CFAP46: variants seen among roughly 807,000 people sequenced by gnomAD.
The protein encoded by CFAP46 is cilia and flagella associated protein 46, also known as cilia- and flagella-associated protein 46.
CFAP46 carries 245 observed loss-of-function variants against 325.7 expected under a neutral mutation model. The ratio of observed to expected loss-of-function variants is 0.75; its 90% CI spans 0.68 to 0.84. The LOEUF (loss-of-function observed/expected upper bound fraction) is 0.84. Ranked by LOEUF, CFAP46 falls within the 40% of genes least tolerant of loss-of-function variation. The pLI is 0.00. For missense variants in CFAP46, 3,346 were observed against 3,543.0 expected (o/e 0.94, Z 1.41); for synonymous variants, 1,523 against 1,495.9 (o/e 1.02, Z -0.42).
intron 24 of CFAP46, among the ~76,000 whole-genome samples, chr10:132,893,214 G>A (rs897420076): frequency 2.0e-5 from 3 of 152,204 alleles, no homozygotes; most frequent in Non-Finnish European, 2.9e-5. Flanking sequence ...CTGGGCATGC[G>A]GCCCCTCCCA....
chr10:132,924,955 C>A, intron 10 of CFAP46, 69 bp from the exon 11 acceptor site: 3 of 1,271,326 alleles, frequency 2.4e-6, no homozygotes, highest in Non-Finnish European at 3.1e-6. Context: ...GCGGCACCTG[C>A]GTGCAGGGCA....
rs201792620 is a variant in CFAP46 at position 132,880,932 on chromosome 10, C to T, written c.3728G>A (p.Arg1243His). The T allele has an allele frequency of 4.2e-4, 652 of 1,550,362 alleles. No individual in the cohort carries two copies. Among genetic ancestry groups the T allele is most frequent in the Non-Finnish European group, 5.1e-4 (589 of 1,146,896 alleles). ...GGCCAGCAGGATCTCGACAGCCCAG[C>T]GGAGGTGGAAGACCACGTCCTCGAG... ...FPLEDVVFHL[R>H]WAVEILLAMK... The change falls in exon 28 of 58, where the codon CGC (arginine) becomes CAC (histidine). Residue 1243 changes from arginine to histidine, a missense_variant. Arg to His is a conservative substitution (Grantham distance 29). Coordinates refer to ENST00000368586, the MANE Select transcript of CFAP46 (RefSeq NM_001200049.3).
intron 50 of CFAP46, among the ~76,000 whole-genome samples, chr10:132,821,310 T>G (rs1847815579): frequency 1.5e-5 from 2 of 129,136 alleles, no homozygotes. Flanking sequence ...TGCTGTGTGT[T>G]GTGTGTGCTG....
intron 50 of CFAP46, among the ~76,000 whole-genome samples, chr10:132,826,783 T>C (rs907347605): frequency 6.6e-6 from 1 of 151,894 alleles, no homozygotes; most frequent in Non-Finnish European, 1.5e-5. Flanking sequence ...GGATGCAGCA[T>C]GTGCCCTCAG....
At chr10:132,934,061 G>A (rs1295161724) in intron 8 of CFAP46, among the ~76,000 whole-genome samples, 1 of 152,218 alleles carries the variant, frequency 6.6e-6, no homozygotes. Flanking sequence ...AAGCTCCTAA[G>A]TTTGTGGGTA....
At chr10:132,848,275 G>A (rs1475123356) in intron 41 of CFAP46, among the ~76,000 whole-genome samples, 1 of 152,170 alleles carries the variant, frequency 6.6e-6, no homozygotes. Context: ...TTTATAAAAC[G>A]GACTTAGAGA....
intron 9 of CFAP46, among the ~76,000 whole-genome samples, chr10:132,927,166 C>T (rs115634014): frequency 0.041 from 6,265 of 152,254 alleles, 412 homozygotes; most frequent in African/African-American, 0.14. Flanking sequence ...CCACCCCGCT[C>T]GAGGGGTGAC....
In CFAP46 at chr10:132,869,391, A is replaced by C. The variant is rs1848865289; in HGVS notation, c.4512-19T>G. On this transcript the variant is annotated intron_variant, in intron 32 of 57. Coordinates refer to ENST00000368586, the MANE Select transcript of CFAP46 (RefSeq NM_001200049.3). This position sits in a 1 kb window ranked among gnomAD's most constrained non-coding sequence, Gnocchi z 6.2. ...GGCGAGGCTGTGGGGAGTGTGGCCG[A>C]AAGAGTCAGTGTTGCACGGGCGCAG... The C allele has an allele frequency of 6.6e-7, 1 of 1,513,002 alleles. No individual in the cohort carries two copies. The allele number at this position is 1,513,002 out of a possible 1,614,324, so 93.7% of individuals were successfully genotyped here. A position where few individuals can be genotyped will look rare whatever the true frequency, so the allele number is the denominator to read the frequency against.
chr10:132,846,253 CA>C (rs1441980720), intron 43 of CFAP46, 26 bp from the exon 44 acceptor site: 4 of 1,606,482 alleles, frequency 2.5e-6, no homozygotes, highest in Admixed American at 1.7e-5. Context: ...GGAGGTGTAC[CA>C]GGGGCCCGAG....
At chr10:132,921,894 C>T (rs1849727845) in intron 13 of CFAP46, among the ~76,000 whole-genome samples, 1 of 152,244 alleles carries the variant, frequency 6.6e-6, no homozygotes, top group African/African-American at 2.4e-5. Flanking sequence ...GCACACAGGG[C>T]ACCCGACTTG....
At chr10:132,848,036 A>T (rs1167756629) in intron 41 of CFAP46, among the ~76,000 whole-genome samples, 1 of 151,944 alleles carries the variant, frequency 6.6e-6, no homozygotes, top group Non-Finnish European at 1.5e-5. Flanking sequence ...CCCTTTCTCG[A>T]CGGAGCACAC....
Position 132,866,164 on chromosome 10 carries a change from T to A in CFAP46, c.4751A>T (p.Lys1584Met). The change falls in exon 35 of 58, where the codon AAG becomes ATG. Residue 1584 changes from lysine to methionine, a missense_variant. Physicochemically the swap from Lys to Met is moderately conservative, Grantham distance 95. Transcript: ENST00000368586. ...KPLDAKDKILKMNGETGRDLD... is the reference protein window; with the variant it reads ...KPLDAKDKILMMNGETGRDLD... ...GTCCCTCCCGGTCTCCCCATTCATC[T>A]TCAAAATCTGTAAGATACCGCAGCC... 6.6e-7 allele frequency: 1 copy of A among 1,524,754 alleles called. No homozygotes were observed. Among genetic ancestry groups the A allele is most frequent in the South Asian group, 1.3e-5 (1 of 79,920 alleles). 94.5% of individuals were successfully genotyped at this position (1,524,754 alleles called of 1,614,324 possible).
At chr10:132,824,006 G>A (rs1591036492) in intron 50 of CFAP46, among the ~76,000 whole-genome samples, 1 of 62,708 alleles carries the variant, frequency 1.6e-5, no homozygotes, top group African/African-American at 1.2e-4. Flanking sequence ...TTTGTGCTGT[G>A]TGTGTGCTGT....
Position 132,919,548 on chromosome 10 carries a change from G to A in CFAP46, c.1731-106C>T, listed in dbSNP as rs1423264448. On this transcript the variant is annotated intron_variant, in intron 14 of 57. Coordinates refer to ENST00000368586, the MANE Select transcript of CFAP46 (RefSeq NM_001200049.3). The surrounding 1 kb of genome is among the most constrained non-coding windows in gnomAD (Gnocchi z 9.7). ...CCTGAGAAAAGGCCACTGTGGCTCTGCAGTTTCAAGGTGGCAAGGAGCCCG... is the reference window on the plus strand; with the variant it reads ...CCTGAGAAAAGGCCACTGTGGCTCTACAGTTTCAAGGTGGCAAGGAGCCCG... 4.3e-6 allele frequency: 6 copies of A among 1,410,634 alleles called. No individual in the cohort carries two copies. The highest frequency in any genetic ancestry group is 5.6e-6 in the Non-Finnish European group (6 of 1,063,098). 87.4% of individuals were successfully genotyped at this position (1,410,634 alleles called of 1,614,324 possible).
At chr10:132,861,403 C>T (rs1039813147) in intron 35 of CFAP46, among the ~76,000 whole-genome samples, 5 of 152,256 alleles carry the variant, frequency 3.3e-5, no homozygotes, top group African/African-American at 1.2e-4. Flanking sequence ...TCTCCCTCTG[C>T]CTGAGCTGAG....
intron 41 of CFAP46, among the ~76,000 whole-genome samples, chr10:132,848,329 G>A (rs896559493): frequency 1.3e-5 from 2 of 152,190 alleles, no homozygotes; most frequent in African/African-American, 2.4e-5. Flanking sequence ...CAGTGAGGCC[G>A]ACAGCCAAGG....
intron 44 of CFAP46, among the ~76,000 whole-genome samples, chr10:132,844,193 G>A (rs907728319): frequency 2.0e-5 from 3 of 151,216 alleles, no homozygotes; most frequent in Admixed American, 6.6e-5. Context: ...AGGGTGCTGC[G>A]GGGCTGCTCC....
intron 45 of CFAP46, among the ~76,000 whole-genome samples, chr10:132,836,429 C>T (rs1157325221): frequency 2.0e-5 from 3 of 152,140 alleles, no homozygotes; most frequent in Admixed American, 6.5e-5. Flanking sequence ...GGTCATGCAC[C>T]GGGCACTTGG....
At chr10:132,859,414 G>A (rs914016273) in intron 37 of CFAP46, among the ~76,000 whole-genome samples, 167 bp from the exon 38 acceptor site, 3 of 152,096 alleles carry the variant, frequency 2.0e-5, no homozygotes, top group Non-Finnish European at 4.4e-5. Context: ...TTCTGTGATC[G>A]CATGTGATAA....
Sources: allele counts gnomAD v4.1 joint callset (sites outside exome capture counted in the v4.1 genomes callset), GRCh38; gene constraint gnomAD v4.1.1; non-coding constraint Gnocchi (gnomAD v3.1); transcripts MANE v1.5; gene names NCBI Gene and HGNC (gene_info 2026-07-23, HGNC 2026-07-21).